The following ADGRV1 variants were observed in gnomAD, a reference collection of about 807,000 sequenced individuals.
ADGRV1 encodes adhesion G protein-coupled receptor V1.
ADGRV1 carries 359 observed loss-of-function variants against 596.2 expected under a neutral mutation model. That is an observed-to-expected ratio of 0.60 (90% CI 0.55 to 0.66). The LOEUF (loss-of-function observed/expected upper bound fraction) is 0.66, where lower values mean the gene tolerates loss of function less well. Ranked by LOEUF, ADGRV1 falls within the 30% of genes least tolerant of loss-of-function variation. The pLI, the probability that ADGRV1 is intolerant of heterozygous loss-of-function variation, is 0.00. For synonymous variants in ADGRV1, 2,681 were observed against 2,679.2 expected, an observed-to-expected ratio of 1.00 and a Z score of -0.02; for missense variants, 7,274 against 7,575.6, an observed-to-expected ratio of 0.96 and a Z score of 1.48.
intron 1 of ADGRV1, among the ~76,000 whole-genome samples, chr5:90,560,282 T>A (rs1026339907): frequency 6.6e-6 from 1 of 152,158 alleles, no homozygotes; most frequent in African/African-American, 2.4e-5. Flanking sequence ...ACACAGACTT[T>A]AAAAATTTAC....
chr5:91,143,984 C>T (rs1795322733), intron 87 of ADGRV1, among the ~76,000 whole-genome samples: 1 of 152,176 alleles, frequency 6.6e-6, no homozygotes, highest in Non-Finnish European at 1.5e-5. Context: ...TGGGTTGCAA[C>T]AGTGCCCAGG....
chr5:91,064,159 C>T (rs1194134840), intron 85 of ADGRV1, among the ~76,000 whole-genome samples: 2 of 152,064 alleles, frequency 1.3e-5, no homozygotes, highest in Admixed American at 6.6e-5. Flanking sequence ...AATCAATAAG[C>T]ATTTCTTAAG....
rs1269551434 is a variant in ADGRV1, at chr5:90,863,883, T to A, written c.17856+26T>A. The A allele has an allele frequency of 2.1e-6, 3 of 1,396,118 alleles. No homozygotes were observed. The South Asian group carries it at 3.5e-5, about 16-fold the overall frequency. 86.5% of individuals were successfully genotyped at this position (1,396,118 alleles called of 1,614,324 possible). A position where few individuals can be genotyped will look rare whatever the true frequency, so the allele number is the denominator to read the frequency against. On this transcript the variant is annotated intron_variant, in intron 83 of 89. Transcript: ENST00000405460. ...GTAGGAGAGCGCTGGCATTTTTGATTTATCGTGAGATGTTTGTGTTTCTTC... is the reference window on the plus strand; with the variant it reads ...GTAGGAGAGCGCTGGCATTTTTGATATATCGTGAGATGTTTGTGTTTCTTC...
At chr5:90,766,198 T>C (rs1468861336) in intron 59 of ADGRV1, among the ~76,000 whole-genome samples, 1 of 152,076 alleles carries the variant, frequency 6.6e-6, no homozygotes, top group Non-Finnish European at 1.5e-5. Context: ...CGTGAGCCAC[T>C]GTGTCTGATC....
intron 83 of ADGRV1, among the ~76,000 whole-genome samples, chr5:90,957,651 AAT>A (rs1187528133): frequency 6.7e-6 from 1 of 148,242 alleles, no homozygotes; most frequent in African/African-American, 2.5e-5. Flanking sequence ...TGTATATATA[AAT>A]ATATGTGTAT....
In ADGRV1 at chr5:91,153,201, C is replaced by G; in HGVS notation, c.18625-20C>G. On this transcript the variant is annotated intron_variant, in intron 88 of 89. Coordinates refer to ENST00000405460, the MANE Select transcript of ADGRV1 (RefSeq NM_032119.4). ...CATTCATATTATGGTTTCTTTTTCCCCCCATCCCAATCTAAAAAGGTGCCA... is the reference window on the plus strand; with the variant it reads ...CATTCATATTATGGTTTCTTTTTCCGCCCATCCCAATCTAAAAAGGTGCCA... 2 of 1,587,980 alleles carry G rather than the reference C, an allele frequency of 1.3e-6. No homozygotes were observed. The highest frequency in any genetic ancestry group is 8.6e-7 in the Non-Finnish European group (1 of 1,166,138).
intron 85 of ADGRV1, among the ~76,000 whole-genome samples, chr5:91,035,873 A>G (rs1784867483): frequency 7.5e-6 from 1 of 133,560 alleles, no homozygotes; most frequent in South Asian, 2.4e-4. Context: ...ATATATATAT[A>G]TATATATATC....
At chr5:90,601,217 A>G (rs2152023576) in intron 1 of ADGRV1, among the ~76,000 whole-genome samples, 1 of 152,192 alleles carries the variant, frequency 6.6e-6, no homozygotes, top group East Asian at 1.9e-4. Flanking sequence ...AGCCTGGGCA[A>G]CAAGAGTGAA....
rs750322737 is a variant in ADGRV1, at chr5:90,625,250, T to A, written c.672+7T>A. 1 of 1,531,298 alleles carries A rather than the reference T, an allele frequency of 6.5e-7. No homozygotes were observed. The highest frequency in any genetic ancestry group is 1.1e-5 in the South Asian group (1 of 88,536). The allele number at this position is 1,531,298 out of a possible 1,614,324, so 94.9% of individuals were successfully genotyped here. A position where few individuals can be genotyped will look rare whatever the true frequency, so the allele number is the denominator to read the frequency against. On this transcript the variant is annotated splice_region_variant and intron_variant, in intron 6 of 89. Coordinates refer to ENST00000405460, the MANE Select transcript of ADGRV1 (RefSeq NM_032119.4). ...GACAGTACTCGATGACGAGGTTGGC[T>A]AATGTTACATACCCAAATGGGACAA...
chr5:90,813,749 T>C (rs1762664118), intron 74 of ADGRV1, among the ~76,000 whole-genome samples: 1 of 152,200 alleles, frequency 6.6e-6, no homozygotes, highest in Non-Finnish European at 1.5e-5. Context: ...CTACCTGACA[T>C]TTTTTTCTTA....
chr5:91,137,060 A>T (rs979093110), intron 87 of ADGRV1, among the ~76,000 whole-genome samples: 9 of 152,214 alleles, frequency 5.9e-5, no homozygotes, highest in Non-Finnish European at 7.3e-5. Flanking sequence ...AAGTGGCACT[A>T]CCAGAAACTG....
At chr5:91,045,824 G>A (rs1198483266) in intron 85 of ADGRV1, among the ~76,000 whole-genome samples, 1 of 152,100 alleles carries the variant, frequency 6.6e-6, no homozygotes, top group Non-Finnish European at 1.5e-5. Context: ...ATTCAGCAAA[G>A]TTTCTGGATA....
chr5:90,755,416 A>G (rs1028646467), intron 55 of ADGRV1, among the ~76,000 whole-genome samples: 2 of 152,142 alleles, frequency 1.3e-5, no homozygotes, highest in Non-Finnish European at 2.9e-5. Context: ...GAACTGGAAT[A>G]TTGTTTGAAT....
intron 85 of ADGRV1, among the ~76,000 whole-genome samples, chr5:91,069,450 A>T (rs559049258): frequency 5.4e-4 from 82 of 152,340 alleles, no homozygotes; most frequent in Non-Finnish European, 4.0e-4. Flanking sequence ...TAGACAAAAA[A>T]CATGAACAGA....
chr5:90,669,013 C>A (rs1199371814), intron 21 of ADGRV1, among the ~76,000 whole-genome samples: 1 of 152,064 alleles, frequency 6.6e-6, no homozygotes, highest in Non-Finnish European at 1.5e-5. Context: ...ACTAATGCCT[C>A]TTGCTGAAAA....
intron 1 of ADGRV1, among the ~76,000 whole-genome samples, chr5:90,581,251 T>C (rs1160739454): frequency 1.3e-5 from 2 of 152,230 alleles, no homozygotes; most frequent in Non-Finnish European, 2.9e-5. Flanking sequence ...TGAAGCCTAC[T>C]TCTGTCACCT....
At chr5:91,023,002 C>T (rs139002990) in intron 85 of ADGRV1, among the ~76,000 whole-genome samples, 57 of 152,134 alleles carry the variant, frequency 3.7e-4, no homozygotes, top group African/African-American at 1.3e-3. Flanking sequence ...ATGGATCTTT[C>T]GATAACTATG....
At position 90,757,002 on chromosome 5, in the gene ADGRV1, C is replaced by T; in HGVS notation, c.11781C>T (p.Ala3927=). 1 of 1,611,516 alleles carries T rather than the reference C, an allele frequency of 6.2e-7. No individual in the cohort carries two copies. Among genetic ancestry groups the T allele is most frequent in the South Asian group, 1.1e-5 (1 of 90,520 alleles). ...AGGGCGCTGGGGAAGTTATTACTGCCTATGAGGTGCCTCCACCCTTGAACG... is the reference window on the plus strand; with the variant it reads ...AGGGCGCTGGGGAAGTTATTACTGCTTATGAGGTGCCTCCACCCTTGAACG... ...VTRGAGEVIT[A]YEVPPPLNVL... is the part of the protein sequence containing the mutation. Residue 3927 remains alanine (A), a synonymous_variant, in exon 57 of 90, where the codon GCC becomes GCT. Coordinates refer to ENST00000405460, the MANE Select transcript of ADGRV1 (RefSeq NM_032119.4).
intron 83 of ADGRV1, among the ~76,000 whole-genome samples, chr5:90,918,754 ATTAT>A (rs139546647): frequency 1.3e-5 from 2 of 152,304 alleles, no homozygotes; most frequent in South Asian, 2.1e-4. Context: ...CTCCACAATG[ATTAT>A]TTAAACCATT....
Sources: allele counts gnomAD v4.1 joint callset (sites outside exome capture counted in the v4.1 genomes callset), GRCh38; gene constraint gnomAD v4.1.1; transcripts MANE v1.5; gene names NCBI Gene and HGNC (gene_info 2026-07-23, HGNC 2026-07-21).